Variants in ABCA13 observed in about 807,000 individuals in gnomAD.
The protein encoded by ABCA13 is ATP binding cassette subfamily A member 13.
ABCA13 carries 476 observed loss-of-function variants against 478.7 expected under a neutral mutation model. The observed-to-expected ratio is 0.99, with a 90% CI of 0.92 to 1.07. ABCA13 has a LOEUF of 1.07. ABCA13 is among the 50% of genes least tolerant of loss of function. The pLI is 0.00. For synonymous variants in ABCA13, 2,252 were observed against 2,158.9 expected (o/e 1.04, Z -1.20); for missense variants, 6,060 against 5,910.6 (o/e 1.03, Z -0.83).
chr7:48,625,820 C>T (rs1377042546), intron 59 of ABCA13, among the ~76,000 whole-genome samples: 2 of 152,144 alleles, frequency 1.3e-5, no homozygotes, highest in Non-Finnish European at 2.9e-5. Flanking sequence ...ATGCTTTTCA[C>T]TCACAATGAA....
intron 31 of ABCA13, among the ~76,000 whole-genome samples, chr7:48,366,818 A>T (rs573897706): frequency 1.3e-5 from 2 of 152,120 alleles, no homozygotes; most frequent in Admixed American, 6.6e-5. Flanking sequence ...ATACCATCAC[A>T]TGGGCAATTA....
At chr7:48,585,154 G>A (rs959193547) in intron 56 of ABCA13, among the ~76,000 whole-genome samples, 1 of 152,208 alleles carries the variant, frequency 6.6e-6, no homozygotes, top group Admixed American at 6.5e-5. Flanking sequence ...TCATTTATAA[G>A]ACCCTTCCTT....
chr7:48,311,877 GCA>G (rs1398824808), intron 24 of ABCA13, among the ~76,000 whole-genome samples: 1 of 152,184 alleles, frequency 6.6e-6, no homozygotes, highest in Non-Finnish European at 1.5e-5. Context: ...CTTCAGCAAA[GCA>G]CAGTTTGCTA....
intron 31 of ABCA13, among the ~76,000 whole-genome samples, chr7:48,362,401 CTCT>C (rs1452572429): frequency 3.1e-4 from 44 of 141,612 alleles, no homozygotes; most frequent in African/African-American, 1.0e-3. Context: ...TTCACTCTTC[CTCT>C]TCTTCTTTTT....
At chr7:48,405,739 G>T (rs1462130836) in intron 39 of ABCA13, among the ~76,000 whole-genome samples, 4 of 152,136 alleles carry the variant, frequency 2.6e-5, no homozygotes, top group Admixed American at 1.3e-4. Flanking sequence ...GAGCACAAAG[G>T]TTATTTTAGA....
chr7:48,545,526 T>C (rs913094541), intron 55 of ABCA13, among the ~76,000 whole-genome samples: 2 of 151,586 alleles, frequency 1.3e-5, no homozygotes, highest in African/African-American at 4.8e-5. Flanking sequence ...AAAACACAAA[T>C]CTTTGCAAGG....
intron 27 of ABCA13, among the ~76,000 whole-genome samples, chr7:48,324,841 C>T (rs183542487): frequency 9.2e-5 from 14 of 152,302 alleles, no homozygotes; most frequent in African/African-American, 3.4e-4. Context: ...TGTTAACTAC[C>T]TAGCACGGTA....
intron 28 of ABCA13, among the ~76,000 whole-genome samples, chr7:48,335,816 ATATT>A (rs1433428232): frequency 1.3e-5 from 2 of 152,182 alleles, no homozygotes; most frequent in African/African-American, 4.8e-5. Flanking sequence ...GATTGTTTGC[ATATT>A]TTTGAATTGC....
chr7:48,281,842 C>G (rs10499675), intron 19 of ABCA13, among the ~76,000 whole-genome samples: 2,181 of 152,260 alleles, frequency 0.014, 20 homozygotes, highest in Middle Eastern at 0.054. Flanking sequence ...CGTGCAGTAT[C>G]GTACTTTCTT....
chr7:48,330,896 A>C (rs1805292819), intron 27 of ABCA13, among the ~76,000 whole-genome samples: 1 of 152,122 alleles, frequency 6.6e-6, no homozygotes, highest in African/African-American at 2.4e-5. Flanking sequence ...GAATCGGGGG[A>C]TGCTGTATCC....
intron 55 of ABCA13, among the ~76,000 whole-genome samples, chr7:48,545,035 C>G (rs1279431679): frequency 1.3e-5 from 2 of 151,882 alleles, no homozygotes; most frequent in African/African-American, 2.4e-5. Context: ...GGTGTGAGAG[C>G]AGAGGAAAAA....
In ABCA13 at chr7:48,647,360, C is replaced by T. The variant is rs564657958; in HGVS notation, c.*1848C>T. On this transcript the variant is annotated 3_prime_UTR_variant, in exon 62 of 62. Transcript: ENST00000435803. ...AGTTTATGGCTGTATGATTTATTCTCTAATTCTAACATAGTCTAGTTGTCA... is the reference window on the plus strand; with the variant it reads ...AGTTTATGGCTGTATGATTTATTCTTTAATTCTAACATAGTCTAGTTGTCA... 6.6e-6 allele frequency: 1 copy of T among 152,280 alleles called. No homozygotes were observed. Among genetic ancestry groups the T allele is most frequent in the African/African-American group, 2.4e-5 (1 of 41,564 alleles). The allele number at this position is 152,280 out of a possible 1,614,324, so 9.4% of individuals were successfully genotyped here.
In ABCA13 at chr7:48,391,995, T is replaced by G; in HGVS notation, c.11729T>G (p.Leu3910Arg). Residue 3910 changes from leucine to arginine, a missense_variant, in exon 38 of 62, where the codon CTG (leucine) becomes CGG (arginine). Physicochemically the swap from Leu to Arg is moderately radical, Grantham distance 102. Around this residue, in one of 3 missense-constraint regions of ABCA13, gnomAD observed 1,627 missense variants for 1,571.0 expected, o/e 1.04. Coordinates refer to ENST00000435803, the MANE Select transcript of ABCA13 (RefSeq NM_152701.5). ...AATGGCAAGAACCTACAGACAGACC[T>G]GTCGAGGGTCAGAATGGAGCTTGGT... is the stretch of plus-strand genomic sequence containing the variant. ...IINGKNLQTD[L>R]SRVRMELGVC... The G allele has an allele frequency of 6.2e-7, 1 of 1,614,004 alleles. No homozygotes were observed. Among genetic ancestry groups the G allele is most frequent in the South Asian group, 1.1e-5 (1 of 91,084 alleles).
chr7:48,544,357 C>T (rs939744067), intron 55 of ABCA13, among the ~76,000 whole-genome samples: 8 of 151,844 alleles, frequency 5.3e-5, no homozygotes, highest in Non-Finnish European at 8.8e-5. Context: ...CGCTGGCAGC[C>T]TCTAGGTCAC....
At chr7:48,498,981 A>C (rs1830505089) in intron 48 of ABCA13, among the ~76,000 whole-genome samples, 1 of 152,228 alleles carries the variant, frequency 6.6e-6, no homozygotes, top group Non-Finnish European at 1.5e-5. Context: ...AATAATGCAT[A>C]CATGTAGAGA....
intron 1 of ABCA13, among the ~76,000 whole-genome samples, chr7:48,188,942 C>A (rs1192373615): frequency 6.6e-6 from 1 of 152,150 alleles, no homozygotes; most frequent in Non-Finnish European, 1.5e-5. Context: ...TGAACGCTTC[C>A]ACCCTCTGCT....
chr7:48,404,743 A>G (rs1251937247), intron 39 of ABCA13: 1 of 152,232 alleles, frequency 6.6e-6, no homozygotes, highest in African/African-American at 2.4e-5. Flanking sequence ...ATCAAATTCT[A>G]TCTTTGGAGT....
chr7:48,221,532 A>T (rs1787364280), intron 5 of ABCA13, among the ~76,000 whole-genome samples: 1 of 152,264 alleles, frequency 6.6e-6, no homozygotes, highest in South Asian at 2.1e-4. Flanking sequence ...AGCAGAGGTG[A>T]AACCTGAGGC....
chr7:48,364,894 T>C (rs1287208056), intron 31 of ABCA13, among the ~76,000 whole-genome samples: 1 of 152,152 alleles, frequency 6.6e-6, no homozygotes, highest in Non-Finnish European at 1.5e-5. Context: ...CTCTTCGATA[T>C]ACTGATTTTC....
Sources: gnomAD v4.1 joint callset for allele counts (sites outside exome capture counted in the v4.1 genomes callset) on GRCh38, gnomAD v4.1.1 for gene constraint, gnomAD v4.1.1 regional missense constraint, MANE v1.5 for transcripts, NCBI Gene and HGNC (gene_info 2026-07-23, HGNC 2026-07-21) for gene names.